The following DPYD variants were observed in gnomAD, a reference collection of about 807,000 sequenced individuals.
The protein encoded by DPYD is dihydropyrimidine dehydrogenase [NADP(+)].
A neutral mutation model predicts 116.2 loss-of-function variants in DPYD; 109 were observed. The ratio of observed to expected loss-of-function variants is 0.94; its 90% confidence interval spans 0.80 to 1.10. The LOEUF is 1.10. Among genes scored for constraint, DPYD ranks in the 50% least tolerant of loss-of-function variants. DPYD has a pLI of 0.00. For missense variants in DPYD, 1,302 were observed against 1,254.5 expected (o/e 1.04, Z -0.57); for synonymous variants, 440 against 432.0 (o/e 1.02, Z -0.23).
intron 19 of DPYD, among the ~76,000 whole-genome samples, chr1:97,233,247 C>G (rs963513461): frequency 2.6e-5 from 4 of 152,110 alleles, no homozygotes; most frequent in Admixed American, 2.0e-4. Flanking sequence ...TGTTGCTGCT[C>G]CCTACTTGGC....
intron 13 of DPYD, among the ~76,000 whole-genome samples, chr1:97,463,020 T>C (rs1677109366): frequency 6.6e-6 from 1 of 152,174 alleles, no homozygotes; most frequent in South Asian, 2.1e-4. Context: ...CAACTTCCAA[T>C]TGGAAAATCT....
chr1:97,568,064 T>C (rs1652654318), intron 11 of DPYD, among the ~76,000 whole-genome samples: 1 of 152,056 alleles, frequency 6.6e-6, no homozygotes, highest in African/African-American at 2.4e-5. Context: ...GAATTGATAA[T>C]AGTTTAAAAA....
chr1:97,107,771 C>T (rs1651281001), intron 20 of DPYD, among the ~76,000 whole-genome samples: 1 of 151,994 alleles, frequency 6.6e-6, no homozygotes, highest in Admixed American at 6.6e-5. Context: ...TGCTATCCTG[C>T]CACTCATACT....
At chr1:97,851,202 T>C (rs1042321706) in intron 2 of DPYD, among the ~76,000 whole-genome samples, 11 of 151,408 alleles carry the variant, frequency 7.3e-5, no homozygotes, top group African/African-American at 2.7e-4. Flanking sequence ...ATGATAAGTT[T>C]CTAACAATTT....
Position 97,447,094 on chromosome 1 carries a change from T to C in DPYD, c.1905+2965A>G, listed in dbSNP as rs76594605. ...CAAGAAGTTCATCAGCCATCTCCTCTGGTTCATGGTCAACTGGTGCTCACC... is the reference window on the plus strand; with the variant it reads ...CAAGAAGTTCATCAGCCATCTCCTCCGGTTCATGGTCAACTGGTGCTCACC... On this transcript the variant is annotated intron_variant, in intron 14 of 22. Coordinates refer to ENST00000370192, the MANE Select transcript of DPYD (RefSeq NM_000110.4). Among the ~76,000 whole-genome samples the C allele has an allele frequency of 5.3e-5, 8 of 152,310 alleles. No homozygotes were observed. In the East Asian group the frequency reaches 1.4e-3, roughly 26 times the overall value.
intron 14 of DPYD, among the ~76,000 whole-genome samples, chr1:97,413,631 C>T (rs951825367): frequency 1.3e-5 from 2 of 151,950 alleles, no homozygotes; most frequent in Non-Finnish European, 2.9e-5. Flanking sequence ...TGCCACCACA[C>T]CTGCCTAATT....
chr1:97,480,082 G>A (rs962715343), intron 13 of DPYD, among the ~76,000 whole-genome samples: 5 of 152,084 alleles, frequency 3.3e-5, no homozygotes, highest in African/African-American at 1.2e-4. Context: ...AGCATTAAAT[G>A]CTAGAAAGCA....
chr1:97,186,623 T>C (rs974950224), intron 20 of DPYD, among the ~76,000 whole-genome samples: 1 of 152,012 alleles, frequency 6.6e-6, no homozygotes, highest in Non-Finnish European at 1.5e-5. Context: ...CTGAGGTGGG[T>C]GGATCACTTG....
At chr1:97,571,682 G>A (rs1397649991) in intron 11 of DPYD, among the ~76,000 whole-genome samples, 1 of 151,886 alleles carries the variant, frequency 6.6e-6, no homozygotes, top group East Asian at 1.9e-4. Flanking sequence ...AGAATTTATG[G>A]TAGAAGAGGA....
At chr1:97,560,199 A>G (rs1204608969) in intron 11 of DPYD, among the ~76,000 whole-genome samples, 1 of 152,186 alleles carries the variant, frequency 6.6e-6, no homozygotes, top group Non-Finnish European at 1.5e-5. Flanking sequence ...TCATCCACTT[A>G]TTTTTAAAGT....
chr1:97,682,895 C>A (rs921735444), intron 7 of DPYD, among the ~76,000 whole-genome samples: 2 of 152,140 alleles, frequency 1.3e-5, no homozygotes, highest in Non-Finnish European at 2.9e-5. Flanking sequence ...GTGTAATAGT[C>A]ACTACTTTAT....
chr1:97,521,692 T>A (rs533164845), intron 12 of DPYD, among the ~76,000 whole-genome samples: 178 of 152,272 alleles, frequency 1.2e-3, no homozygotes, highest in African/African-American at 3.8e-3. Context: ...AACAGCATGG[T>A]ACTGGTACCA....
intron 19 of DPYD, among the ~76,000 whole-genome samples, chr1:97,228,891 T>C (rs936660602): frequency 6.6e-6 from 1 of 151,976 alleles, no homozygotes; most frequent in Non-Finnish European, 1.5e-5. Flanking sequence ...AGATTCGAAC[T>C]AACTGCAAGA....
At position 97,720,357 on chromosome 1, in the gene DPYD, T is replaced by C. The variant is rs961246610; in HGVS notation, c.483+1153A>G. 3.9e-4 allele frequency: 386 copies of C among 985,546 alleles called. 1 individual carries two copies. The highest frequency in any genetic ancestry group is 3.9e-4 in the Non-Finnish European group (325 of 830,190). The allele number at this position is 985,546 out of a possible 1,614,324, so 61.1% of individuals were successfully genotyped here. On this transcript the variant is annotated intron_variant, in intron 5 of 22. Transcript: ENST00000370192. ...GAGGCAATGGGTCCCCAAAGAAAAG[T>C]GAGGAGGAATTCAAGTGAATCTTCT...
intron 20 of DPYD, among the ~76,000 whole-genome samples, chr1:97,099,675 G>C (rs1346003905): frequency 6.6e-6 from 1 of 152,014 alleles, no homozygotes; most frequent in African/African-American, 2.4e-5. Context: ...GCTGATGGAG[G>C]TTTGGAAAAC....
At chr1:97,373,431 A>C (rs981847988) in intron 16 of DPYD, 130 bp downstream of exon 16, 2 of 723,168 alleles carry the variant, frequency 2.8e-6, no homozygotes, top group Non-Finnish European at 4.6e-6. Context: ...ATATTTAAAC[A>C]ATGCAGACCT....
intron 19 of DPYD, among the ~76,000 whole-genome samples, chr1:97,203,115 TA>T (rs752005077): frequency 3.9e-5 from 6 of 152,142 alleles, no homozygotes; most frequent in South Asian, 4.1e-4. Flanking sequence ...ATTTTTCTAC[TA>T]ACATCGTTTC....
intron 8 of DPYD, among the ~76,000 whole-genome samples, chr1:97,605,997 G>A (rs1461297808): frequency 1.3e-5 from 2 of 151,960 alleles, no homozygotes; most frequent in Non-Finnish European, 2.9e-5. Flanking sequence ...GAGTATTGGT[G>A]ATTAAGCATA....
chr1:97,630,519 C>T lies in DPYD; in HGVS notation c.851-35353G>A, dbSNP rs539318918. 4.6e-5 allele frequency among the ~76,000 whole-genome samples: 7 copies of T among 152,214 alleles called. No homozygotes were observed. The South Asian group carries it at 1.5e-3, about 32-fold the overall frequency. On this transcript the variant is annotated intron_variant, in intron 8 of 22. Coordinates refer to ENST00000370192, the MANE Select transcript of DPYD (RefSeq NM_000110.4). ...TTCCTGCAGCTCGAAGCTAACAAGA[C>T]CCTGAACTGCTGCTTCTCTAGGACC...
Sources: allele counts gnomAD v4.1 joint callset (sites outside exome capture counted in the v4.1 genomes callset), GRCh38; gene constraint gnomAD v4.1.1; transcripts MANE v1.5; gene names NCBI Gene and HGNC (gene_info 2026-07-23, HGNC 2026-07-21).